Variants in POLI observed in about 807,000 individuals in gnomAD.
POLI encodes RAD30 homolog B.
Under a neutral mutation model 51.6 loss-of-function variants are expected in POLI, and 58 were observed. That is an observed-to-expected ratio of 1.12 (90% confidence interval 0.91 to 1.40). POLI has a LOEUF of 1.40. Among genes scored for constraint, POLI ranks in the 40% most tolerant of loss-of-function variants. The pLI is 0.00. For synonymous variants in POLI, 322 were observed against 299.7 expected, an observed-to-expected ratio of 1.07 and a Z score of -0.77; for missense variants, 921 against 871.3, an observed-to-expected ratio of 1.06 and a Z score of -0.72.
intron 3 of POLI, among the ~76,000 whole-genome samples, chr18:54,313,924 T>A (rs188854980): frequency 6.6e-6 from 1 of 152,320 alleles, no homozygotes; most frequent in Admixed American, 6.5e-5. Flanking sequence ...CCTCTCTGGC[T>A]GTTTGGATAC....
At chr18:54,311,115 A>G in intron 3 of POLI, 1 of 984,042 alleles carries the variant, frequency 1.0e-6, no homozygotes, top group Non-Finnish European at 1.2e-6. Context: ...AAGTGAAATC[A>G]GTATGCTGCC....
Position 54,305,434 on chromosome 18 carries a change from T to C in POLI, c.334-14839T>C, listed in dbSNP as rs187701984. Among the ~76,000 whole-genome samples the C allele has an allele frequency of 1.7e-4, 26 of 152,324 alleles. No homozygotes were observed. The East Asian group carries it at 4.0e-3, about 24-fold the overall frequency. ...CCATTTGTTTGTGTCCTGTTTTATT[T>C]CATTGAGCAGTGGTTTGTAGTTCTT... On this transcript the variant is annotated intron_variant, in intron 3 of 4. Transcript: ENST00000579823.
At chr18:54,269,485 C>G (rs372491675), upstream of POLI, 50 of 1,486,138 alleles carry the variant, frequency 3.4e-5, no homozygotes, top group African/African-American at 6.1e-4. Flanking sequence ...CTGTAGTCCC[C>G]CGGTTTCCCT....
intron 4 of POLI, chr18:54,320,541 A>G (rs2088778211): frequency 1.3e-5 from 2 of 152,206 alleles, no homozygotes; most frequent in Non-Finnish European, 2.9e-5. Context: ...TAGATTTGAT[A>G]CATAATATTT....
intron 3 of POLI, among the ~76,000 whole-genome samples, chr18:54,315,999 T>G (rs2088730269): frequency 6.6e-6 from 1 of 152,092 alleles, no homozygotes; most frequent in African/African-American, 2.4e-5. Flanking sequence ...CACTGCAGGC[T>G]TGAACTCCTA....
At chr18:54,292,097 T>G in intron 9 of POLI, 59 bp downstream of exon 9, 2 of 1,020,258 alleles carry the variant, frequency 2.0e-6, no homozygotes, top group Non-Finnish European at 3.0e-6. Context: ...TTTGTGTGGT[T>G]ACATTACAAA....
At chr18:54,308,907 C>T (rs938212265) in intron 3 of POLI, among the ~76,000 whole-genome samples, 1 of 152,164 alleles carries the variant, frequency 6.6e-6, no homozygotes, top group Non-Finnish European at 1.5e-5. Flanking sequence ...TCACGTAGTT[C>T]TTGTGCCATG....
At chr18:54,312,468 G>A (rs1482672061) in intron 3 of POLI, among the ~76,000 whole-genome samples, 2 of 152,048 alleles carry the variant, frequency 1.3e-5, no homozygotes, top group Non-Finnish European at 2.9e-5. Flanking sequence ...ATTTTCCTTT[G>A]GGTATATACC....
At chr18:54,271,847 C>G (rs1227816446) in intron 2 of POLI, among the ~76,000 whole-genome samples, 2 of 152,124 alleles carry the variant, frequency 1.3e-5, no homozygotes, top group Non-Finnish European at 2.9e-5. Flanking sequence ...TGGAAGTGTT[C>G]GTCTGTCCTC....
intron 3 of POLI, among the ~76,000 whole-genome samples, chr18:54,315,560 G>A (rs1170975682): frequency 1.3e-5 from 2 of 152,144 alleles, no homozygotes; most frequent in African/African-American, 4.8e-5. Flanking sequence ...TGTCAGTGGG[G>A]TGGTGAAGTC....
intron 4 of POLI, among the ~76,000 whole-genome samples, chr18:54,278,279 G>C (rs2087341317): frequency 6.6e-6 from 1 of 152,178 alleles, no homozygotes; most frequent in Non-Finnish European, 1.5e-5. Context: ...CTAGGCAACA[G>C]AGCAAGATCC....
chr18:54,270,129 C>G (rs563015650), intron 1 of POLI: 1 of 699,942 alleles, frequency 1.4e-6, no homozygotes, highest in East Asian at 1.3e-4. Flanking sequence ...CCACTTCCAG[C>G]TCTGGTCTTT....
chr18:54,280,494 C>G (rs2087445631), intron 4 of POLI, among the ~76,000 whole-genome samples, 173 bp from the exon 5 acceptor site: 1 of 152,200 alleles, frequency 6.6e-6, no homozygotes, highest in African/African-American at 2.4e-5. Context: ...GATCAAATTA[C>G]AACATGAGGT....
downstream of POLI, among the ~76,000 whole-genome samples, chr18:54,301,391 A>G (rs1568156057): frequency 6.6e-6 from 1 of 152,218 alleles, no homozygotes; most frequent in Non-Finnish European, 1.5e-5. Flanking sequence ...CATTTATACA[A>G]AAGTCCACAC....
intron 9 of POLI, among the ~76,000 whole-genome samples, chr18:54,293,101 A>C (rs1026459403): frequency 2.6e-5 from 4 of 151,950 alleles, no homozygotes; most frequent in African/African-American, 4.8e-5. Flanking sequence ...TTAAATGAAA[A>C]ACTGTATAGA....
rs534593789 is a variant in POLI at position 54,295,234 on chromosome 18, T to C, written c.*767T>C. 7.4e-5 allele frequency: 73 copies of C among 985,354 alleles called. No individual in the cohort carries two copies. The South Asian group carries it at 2.7e-3, about 37-fold the overall frequency. The allele number at this position is 985,354 out of a possible 1,614,324, so 61.0% of individuals were successfully genotyped here. On this transcript the variant is annotated 3_prime_UTR_variant, in exon 10 of 10. Coordinates refer to ENST00000579534, the MANE Select transcript of POLI (RefSeq NM_007195.3). ...CTGGATAATGGAAGAAGTCCATTTC[T>C]TTCTAGCTAGTTTGAAGGGCCTAAA...
At chr18:54,292,196 G>A (rs753843547) in intron 9 of POLI, among the ~76,000 whole-genome samples, 158 bp downstream of exon 9, 1 of 151,944 alleles carries the variant, frequency 6.6e-6, no homozygotes, top group Non-Finnish European at 1.5e-5. Flanking sequence ...CCTATCTTAT[G>A]GTTTCTGGCC....
intron 3 of POLI, among the ~76,000 whole-genome samples, chr18:54,306,989 CA>C (rs2088596374): frequency 6.6e-6 from 1 of 151,970 alleles, no homozygotes; most frequent in Non-Finnish European, 1.5e-5. Context: ...GTCTTGCTAG[CA>C]GTCTAGCTAG....
At chr18:54,272,125 G>T (rs182591414) in intron 2 of POLI, 112 of 152,230 alleles carry the variant, frequency 7.4e-4, no homozygotes, top group African/African-American at 2.5e-3. Flanking sequence ...TAAGCATAAA[G>T]AACATTTTTG....
Sources: allele counts gnomAD v4.1 joint callset (sites outside exome capture counted in the v4.1 genomes callset), GRCh38; gene constraint gnomAD v4.1.1; transcripts MANE v1.5; gene names NCBI Gene and HGNC (gene_info 2026-07-23, HGNC 2026-07-21).